SUSD6: variants seen among roughly 807,000 people sequenced by gnomAD.
The protein encoded by SUSD6 is sushi domain-containing protein 6.
A neutral mutation model predicts 28.4 loss-of-function variants in SUSD6; 16 were observed. The ratio of observed to expected loss-of-function variants is 0.56; its 90% CI spans 0.38 to 0.86. The LOEUF (loss-of-function observed/expected upper bound fraction) is 0.86. Ranked by LOEUF, SUSD6 falls within the 40% of genes least tolerant of loss-of-function variation. The pLI is 0.00. For synonymous variants in SUSD6, 147 were observed against 159.6 expected, an observed-to-expected ratio of 0.92 and a Z score of 0.59; for missense variants, 341 against 384.2, an observed-to-expected ratio of 0.89 and a Z score of 0.94.
chr14:69,660,181 C>CT (rs1283179203), intron 2 of SUSD6, among the ~76,000 whole-genome samples: 3 of 152,206 alleles, frequency 2.0e-5, no homozygotes, highest in Non-Finnish European at 2.9e-5. Context: ...AGTGCTACTT[C>CT]TTTCATTCTC....
intron 1 of SUSD6, among the ~76,000 whole-genome samples, chr14:69,638,143 A>G (rs1040077915): frequency 6.6e-6 from 1 of 152,034 alleles, no homozygotes; most frequent in African/African-American, 2.4e-5. Flanking sequence ...GAAACTTTGG[A>G]CCCTTGTTAT....
At chr14:69,625,524 G>A (rs553121314) in intron 1 of SUSD6, among the ~76,000 whole-genome samples, 16 of 152,304 alleles carry the variant, frequency 1.1e-4, no homozygotes, top group Admixed American at 2.0e-4. Flanking sequence ...GAGGCTTCTC[G>A]GATGTGCAGA....
chr14:69,638,097 C>CA (rs888751536), intron 1 of SUSD6, among the ~76,000 whole-genome samples: 17 of 151,902 alleles, frequency 1.1e-4, no homozygotes, highest in African/African-American at 2.2e-4. Context: ...ACAGCAGCAG[C>CA]AAAAAACAGA....
chr14:69,641,615 G>A (rs1009852605), intron 1 of SUSD6, among the ~76,000 whole-genome samples: 3 of 151,592 alleles, frequency 2.0e-5, no homozygotes, highest in Admixed American at 6.6e-5. Context: ...TTTGAGACAG[G>A]GTCTCGCTCT....
intron 2 of SUSD6, among the ~76,000 whole-genome samples, chr14:69,700,233 A>G (rs536072569): frequency 3.2e-4 from 49 of 152,312 alleles, no homozygotes; most frequent in Admixed American, 7.2e-4. Context: ...TTTTCCTTAA[A>G]AGGGAAACCT....
intron 1 of SUSD6, among the ~76,000 whole-genome samples, chr14:69,633,061 C>A (rs1472264002): frequency 6.6e-6 from 1 of 152,212 alleles, no homozygotes; most frequent in African/African-American, 2.4e-5. Flanking sequence ...GCATTCCTAT[C>A]CCTTCCTATG....
intron 1 of SUSD6, among the ~76,000 whole-genome samples, chr14:69,637,482 C>T (rs555479293): frequency 3.9e-5 from 6 of 152,238 alleles, no homozygotes; most frequent in South Asian, 2.1e-4. Flanking sequence ...TACCCCAGTG[C>T]GCTCTGGGAA....
chr14:69,642,943 C>T (rs1885374422), intron 1 of SUSD6, among the ~76,000 whole-genome samples: 1 of 152,130 alleles, frequency 6.6e-6, no homozygotes, highest in Admixed American at 6.5e-5. Flanking sequence ...TTAATTTGCC[C>T]TGCAAATTCT....
At chr14:69,679,542 T>G (rs1257674141) in intron 2 of SUSD6, among the ~76,000 whole-genome samples, 2 of 151,986 alleles carry the variant, frequency 1.3e-5, no homozygotes, top group Non-Finnish European at 2.9e-5. Context: ...TAACACAAAT[T>G]CATAAACTTT....
intron 2 of SUSD6, among the ~76,000 whole-genome samples, chr14:69,696,173 G>A (rs1361305596): frequency 6.6e-6 from 1 of 152,222 alleles, no homozygotes; most frequent in Non-Finnish European, 1.5e-5. Flanking sequence ...GGTCAGGCTT[G>A]CAGCTTAGAA....
At chr14:69,692,228 G>T (rs1288269395) in intron 2 of SUSD6, among the ~76,000 whole-genome samples, 1 of 152,080 alleles carries the variant, frequency 6.6e-6, no homozygotes, top group African/African-American at 2.4e-5. Context: ...CCTGAGATAT[G>T]AACTGAGTCC....
chr14:69,711,094 CCTGTGTAT>C lies in SUSD6; in HGVS notation c.*126_*133del. 1 of 1,048,634 alleles carries C rather than the reference CCTGTGTAT, an allele frequency of 9.5e-7. No individual in the cohort carries two copies. The highest frequency in any genetic ancestry group is 1.3e-5 in the South Asian group (1 of 77,682). The allele number at this position is 1,048,634 out of a possible 1,614,324, so 65.0% of individuals were successfully genotyped here. On this transcript the variant is annotated 3_prime_UTR_variant, in exon 6 of 6. Coordinates refer to ENST00000342745, the MANE Select transcript of SUSD6 (RefSeq NM_014734.4). ...CCTTACCTGGATACCTGAGCTGCCA[CCTGTGTAT>C]CTGTGTATCTCTGAGGGCCCTATAG... is the stretch of plus-strand genomic sequence containing the variant.
chr14:69,680,299 G>A (rs1037876064), intron 2 of SUSD6, among the ~76,000 whole-genome samples: 1 of 152,174 alleles, frequency 6.6e-6, no homozygotes, highest in Non-Finnish European at 1.5e-5. Flanking sequence ...TTGTGCTGGA[G>A]TGGGAAGGTG....
At chr14:69,616,069 A>C (rs909296728) in intron 1 of SUSD6, among the ~76,000 whole-genome samples, 1 of 152,118 alleles carries the variant, frequency 6.6e-6, no homozygotes, top group Non-Finnish European at 1.5e-5. Flanking sequence ...ATTTGAGGGA[A>C]GTTAGCCTGG....
intron 2 of SUSD6, among the ~76,000 whole-genome samples, chr14:69,701,756 C>T (rs1167228162): frequency 6.6e-6 from 1 of 152,172 alleles, no homozygotes; most frequent in Non-Finnish European, 1.5e-5. Context: ...TGCCAGACTT[C>T]TCTGGATCCC....
chr14:69,709,980 A>C (rs1886439320), intron 5 of SUSD6, among the ~76,000 whole-genome samples: 2 of 152,212 alleles, frequency 1.3e-5, no homozygotes. Context: ...TAAATGTCTA[A>C]GGTTTAGAAT....
At chr14:69,638,423 AGTGTGTGTGTGTGTGTGTGT>A (rs10637124) in intron 1 of SUSD6, among the ~76,000 whole-genome samples, 11 of 139,142 alleles carry the variant, frequency 7.9e-5, no homozygotes, top group Non-Finnish European at 1.2e-4. Context: ...TGGGGTGGGG[AGTGTGTGTGTGTGTGTGTGT>A]GTGTGTGTGT....
At chr14:69,704,775 G>T in intron 4 of SUSD6, 33 bp downstream of exon 4, 1 of 1,606,192 alleles carries the variant, frequency 6.2e-7, no homozygotes, top group Non-Finnish European at 8.5e-7. Context: ...CATGAGACAG[G>T]CAGGTGCAAG....
intron 1 of SUSD6, among the ~76,000 whole-genome samples, chr14:69,650,793 G>T (rs749678049): frequency 5.9e-5 from 9 of 152,064 alleles, no homozygotes; most frequent in Non-Finnish European, 1.3e-4. Flanking sequence ...GTTATTTTTT[G>T]AAAGCATTTT....
Sources: gnomAD v4.1 joint callset for allele counts (sites outside exome capture counted in the v4.1 genomes callset) on GRCh38, gnomAD v4.1.1 for gene constraint, MANE v1.5 for transcripts, NCBI Gene and HGNC (gene_info 2026-07-23, HGNC 2026-07-21) for gene names.